Variants in MED13 observed in about 807,000 individuals in gnomAD.
MED13 encodes mediator of RNA polymerase II transcription subunit 13.
In MED13, 23 loss-of-function variants were observed where a neutral mutation model predicts 225.2. That is an observed-to-expected ratio of 0.10 (90% CI 0.07 to 0.14). The LOEUF (loss-of-function observed/expected upper bound fraction) is 0.14, where lower values mean the gene tolerates loss of function less well. Among genes scored for constraint, MED13 ranks in the 10% least tolerant of loss-of-function variants. The probability of loss-of-function intolerance (pLI) is 1.00; values close to 1 mark genes in which losing one functional copy is unlikely to be tolerated. For missense variants in MED13, 2,197 were observed against 2,594.5 expected, an observed-to-expected ratio of 0.85 and a Z score of 3.33; for synonymous variants, 942 against 889.2, an observed-to-expected ratio of 1.06 and a Z score of -1.06.
At chr17:62,023,428 G>A (rs1214693701) in intron 8 of MED13, among the ~76,000 whole-genome samples, 2 of 152,188 alleles carry the variant, frequency 1.3e-5, no homozygotes, top group Non-Finnish European at 2.9e-5. Flanking sequence ...TATCCCAGAA[G>A]CTCAGGATGG....
intron 8 of MED13, among the ~76,000 whole-genome samples, chr17:62,026,019 T>C (rs1034549093): frequency 6.6e-6 from 1 of 152,184 alleles, no homozygotes; most frequent in Non-Finnish European, 1.5e-5. Flanking sequence ...AAGAAAAACC[T>C]TGGCCCTAAC....
intron 5 of MED13, 72 bp downstream of exon 5, chr17:62,033,715 T>C (rs949808366): frequency 2.2e-5 from 32 of 1,430,106 alleles, no homozygotes; most frequent in Middle Eastern, 3.6e-4. Context: ...GACTTGTTTG[T>C]TATTCAGCAA....
intron 16 of MED13, among the ~76,000 whole-genome samples, chr17:61,977,840 C>T (rs1384998306): frequency 6.6e-6 from 1 of 152,180 alleles, no homozygotes; most frequent in Admixed American, 6.5e-5. Flanking sequence ...ATACTCCCGC[C>T]TCAGCCTCCC....
At chr17:61,996,713 CAAT>C (rs1049285190) in intron 9 of MED13, among the ~76,000 whole-genome samples, 1 of 152,128 alleles carries the variant, frequency 6.6e-6, no homozygotes, top group South Asian at 2.1e-4. Flanking sequence ...CCACTTGCCT[CAAT>C]AATAATCCCC....
At chr17:61,948,388 A>G (rs925475859) in intron 28 of MED13, among the ~76,000 whole-genome samples, 1 of 152,212 alleles carries the variant, frequency 6.6e-6, no homozygotes, top group African/African-American at 2.4e-5. Flanking sequence ...GACTTTTTGT[A>G]AAGTTGTGTT....
At chr17:62,012,373 A>G (rs999911275) in intron 8 of MED13, among the ~76,000 whole-genome samples, 1 of 131,768 alleles carries the variant, frequency 7.6e-6, no homozygotes, top group African/African-American at 2.9e-5. Flanking sequence ...CTTGTTGCCC[A>G]GGCTGGAGTG....
chr17:62,012,081 T>C (rs200996526), intron 8 of MED13, among the ~76,000 whole-genome samples: 1 of 151,492 alleles, frequency 6.6e-6, no homozygotes, highest in East Asian at 2.0e-4. Flanking sequence ...CCAGGTGTGG[T>C]GGCACGCGCC....
intron 8 of MED13, among the ~76,000 whole-genome samples, chr17:62,023,127 T>C (rs1338926074): frequency 6.6e-6 from 1 of 152,196 alleles, no homozygotes; most frequent in Non-Finnish European, 1.5e-5. Context: ...AGAGAAAGGA[T>C]GGTCAAGGGG....
At chr17:61,964,190 G>A (rs1458315755) in intron 20 of MED13, among the ~76,000 whole-genome samples, 1 of 152,158 alleles carries the variant, frequency 6.6e-6, no homozygotes, top group East Asian at 1.9e-4. Context: ...GGACTATATG[G>A]TTTTCAAGCT....
chr17:62,014,520 T>C (rs145185045), intron 8 of MED13, among the ~76,000 whole-genome samples: 26,246 of 151,938 alleles, frequency 0.17, 2,888 homozygotes, highest in Admixed American at 0.3. Flanking sequence ...TTTCACCATG[T>C]TGGTCAGGCT....
At chr17:61,976,915 G>C (rs2080161861) in intron 16 of MED13, among the ~76,000 whole-genome samples, 1 of 152,156 alleles carries the variant, frequency 6.6e-6, no homozygotes, top group African/African-American at 2.4e-5. Flanking sequence ...CTGGGCAACA[G>C]AGTGAGACTC....
Position 61,965,335 on chromosome 17 carries a change from G to A in MED13, c.4515C>T (p.Thr1505=). 6.2e-7 allele frequency: 1 copy of A among 1,614,216 alleles called. No homozygotes were observed. Among genetic ancestry groups the A allele is most frequent in the Non-Finnish European group, 8.5e-7 (1 of 1,180,024 alleles). Residue 1505 remains threonine (T), a synonymous_variant, in exon 20 of 30, where the codon ACC becomes ACT. Transcript: ENST00000397786. ...TAGTGCTGCTCGCTGCAGATGCTAAGGTGGCAGATGGAGTATTAGCATTTC... is the reference window on the plus strand; with the variant it reads ...TAGTGCTGCTCGCTGCAGATGCTAAAGTGGCAGATGGAGTATTAGCATTTC... ...NTGNANTPSA[T]LASAASSTMT... is the part of the protein sequence containing the mutation.
chr17:62,020,098 AAAG>A (rs1273471709), intron 8 of MED13, among the ~76,000 whole-genome samples: 1 of 152,174 alleles, frequency 6.6e-6, no homozygotes, highest in Non-Finnish European at 1.5e-5. Context: ...TTTGTAAAAA[AAAG>A]AAATTGTCCT....
chr17:61,949,876 G>A (rs533753627), intron 28 of MED13, among the ~76,000 whole-genome samples: 29 of 151,902 alleles, frequency 1.9e-4, no homozygotes, highest in African/African-American at 6.8e-4. Flanking sequence ...GTAGAAACGG[G>A]GTCTCACCAT....
rs746142227 is a variant in MED13 at position 61,956,449 on chromosome 17, A to C, written c.5513T>G (p.Phe1838Cys). The change falls in exon 24 of 30, where the codon TTT becomes TGT. Residue 1838 changes from phenylalanine (F) to cysteine (C), a missense_variant. Coordinates refer to ENST00000397786, the MANE Select transcript of MED13 (RefSeq NM_005121.3). ...CCACTCCCAAAGTTTCTGTAGACCA[A>C]ATTTTCTAGCAGAACTTTTTTTCCG... is the stretch of plus-strand genomic sequence containing the variant. ...ARRKKSSARK[F>C]GLQKLWEWCL... 2 of 1,612,916 alleles carry C rather than the reference A, an allele frequency of 1.2e-6. No homozygotes were observed. The highest frequency in any genetic ancestry group is 3.3e-5 in the Admixed American group (2 of 59,774).
chr17:61,952,457 G>C (rs1480144756), intron 27 of MED13, among the ~76,000 whole-genome samples: 1 of 152,042 alleles, frequency 6.6e-6, no homozygotes, highest in Non-Finnish European at 1.5e-5. Context: ...AAAAAGCTAT[G>C]GTGAACTGCC....
chr17:62,023,366 G>A (rs2080668587), intron 8 of MED13, among the ~76,000 whole-genome samples: 1 of 152,146 alleles, frequency 6.6e-6, no homozygotes, highest in African/African-American at 2.4e-5. Flanking sequence ...ATAGCAGGGA[G>A]CTTCTATGAC....
rs116634002 is a variant in MED13 at position 62,028,099 on chromosome 17, G to A, written c.1283+1442C>T. On this transcript the variant is annotated intron_variant, in intron 8 of 29. Coordinates refer to ENST00000397786, the MANE Select transcript of MED13 (RefSeq NM_005121.3). ...CATTCTACCATAAAGACACATATAC[G>A]CAAATGTCCACTGCAGCACTATTCA... Among the ~76,000 whole-genome samples the A allele has an allele frequency of 6.8e-3, 1,036 of 152,160 alleles. 7 individuals carry two copies. The highest frequency in any genetic ancestry group is 0.021 in the African/African-American group (851 of 41,486).
chr17:62,031,376 T>C, intron 6 of MED13, 68 bp downstream of exon 6: 1 of 1,250,146 alleles, frequency 8.0e-7, no homozygotes. Flanking sequence ...AAATAAATTA[T>C]TTCTTAAGTA....
Sources: allele counts gnomAD v4.1 joint callset (sites outside exome capture counted in the v4.1 genomes callset), GRCh38; gene constraint gnomAD v4.1.1; transcripts MANE v1.5; gene names NCBI Gene and HGNC (gene_info 2026-07-23, HGNC 2026-07-21).